The following RPE variants were observed in gnomAD, a reference collection of about 807,000 sequenced individuals.
The protein encoded by RPE is ribulose-5-phosphate-3-epimerase.
Under a neutral mutation model 24.6 loss-of-function variants are expected in RPE, and 16 were observed. The observed-to-expected ratio is 0.65, with a 90% CI of 0.44 to 0.99. RPE has a LOEUF of 0.99. Among genes scored for constraint, RPE ranks in the 50% least tolerant of loss-of-function variants. The pLI is 0.00. For synonymous variants in RPE, 93 were observed against 98.4 expected, an observed-to-expected ratio of 0.94 and a Z score of 0.33; for missense variants, 240 against 294.5, an observed-to-expected ratio of 0.81 and a Z score of 1.35.
rs1054194279 is a variant in RPE at position 210,022,160 on chromosome 2, A to G, written c.*2369A>G. 6.6e-6 allele frequency: 1 copy of G among 151,944 alleles called. No homozygotes were observed. The highest frequency in any genetic ancestry group is 6.6e-5 in the Admixed American group (1 of 15,238). The allele number at this position is 151,944 out of a possible 1,614,324, so 9.4% of individuals were successfully genotyped here. A position where few individuals can be genotyped will look rare whatever the true frequency, so the allele number is the denominator to read the frequency against. ...TTAAAGTGCACCAATATTTGACTCA[A>G]ATTTGCTTGCTTTATTTTGTTAGGA... On this transcript the variant is annotated 3_prime_UTR_variant, in exon 6 of 6. Transcript: ENST00000359429.
chr2:210,005,143 G>A (rs574727117), intron 1 of RPE, among the ~76,000 whole-genome samples: 9 of 152,296 alleles, frequency 5.9e-5, no homozygotes, highest in South Asian at 2.1e-4. Flanking sequence ...CCTACGTGAT[G>A]TGCTGTGGTG....
intron 4 of RPE, 63 bp downstream of exon 4, chr2:210,016,704 T>A: frequency 6.2e-7 from 1 of 1,606,168 alleles, no homozygotes; most frequent in Non-Finnish European, 8.5e-7. Flanking sequence ...TAAGCATTTA[T>A]TGAAAGGCTT....
chr2:210,003,488 C>T (rs1454623702), intron 1 of RPE: 1 of 1,277,972 alleles, frequency 7.8e-7, no homozygotes, highest in Non-Finnish European at 1.0e-6. Context: ...TTTTAAGCAC[C>T]GTAGTTACAG....
At position 210,019,936 on chromosome 2, in the gene RPE, G is replaced by C; in HGVS notation, c.*145G>C. On this transcript the variant is annotated 3_prime_UTR_variant, in exon 6 of 6. Coordinates refer to ENST00000359429, the MANE Select transcript of RPE (RefSeq NM_199229.3). ...TCCAGTGATTAAAACTGATTGTGCAGAATATTCTAAGAGGTCAGAAATTGG... is the reference window on the plus strand; with the variant it reads ...TCCAGTGATTAAAACTGATTGTGCACAATATTCTAAGAGGTCAGAAATTGG... 1 of 1,122,694 alleles carries C rather than the reference G, an allele frequency of 8.9e-7. No individual in the cohort carries two copies. Among genetic ancestry groups the C allele is most frequent in the Non-Finnish European group, 1.2e-6 (1 of 821,264 alleles). The allele number at this position is 1,122,694 out of a possible 1,614,324, so 69.5% of individuals were successfully genotyped here.
chr2:210,003,164 C>T (rs2093585440), intron 1 of RPE, among the ~76,000 whole-genome samples: 2 of 152,192 alleles, frequency 1.3e-5, no homozygotes, highest in South Asian at 2.1e-4. Context: ...GCTGGGGAAA[C>T]AGACTTCTCT....
At chr2:210,018,503 C>T (rs1223561240) in intron 5 of RPE, 9 of 984,878 alleles carry the variant, frequency 9.1e-6, no homozygotes, top group Non-Finnish European at 1.1e-5. Flanking sequence ...TGCTTTTCTT[C>T]CACAGTGTGA....
chr2:210,009,883 C>A (rs2093678433), intron 2 of RPE, 147 bp downstream of exon 2: 4 of 1,031,254 alleles, frequency 3.9e-6, no homozygotes, highest in South Asian at 1.4e-5. Context: ...CAGTAACAAG[C>A]CAAACTTCTT....
At chr2:210,017,994 C>T (rs891847713) in intron 5 of RPE, 1 of 715,028 alleles carries the variant, frequency 1.4e-6, no homozygotes, top group Non-Finnish European at 2.2e-6. Flanking sequence ...ACCTGCCTGC[C>T]TCGGCCTCCC....
intron 2 of RPE, among the ~76,000 whole-genome samples, chr2:210,013,970 C>G (rs1376577593): frequency 6.6e-6 from 1 of 152,176 alleles, no homozygotes; most frequent in African/African-American, 2.4e-5. Flanking sequence ...ACCATTGACT[C>G]CCTGAACACC....
At chr2:210,017,626 A>C in intron 5 of RPE, 67 bp downstream of exon 5, 55 of 1,437,060 alleles carry the variant, frequency 3.8e-5, no homozygotes, top group Non-Finnish European at 5.0e-5. Context: ...ACATTGTCTC[A>C]TGGGCCAGCG....
chr2:210,007,318 A>G (rs1162867823), intron 1 of RPE, among the ~76,000 whole-genome samples: 1 of 152,196 alleles, frequency 6.6e-6, no homozygotes, highest in African/African-American at 2.4e-5. Context: ...CCACACACCT[A>G]ATCATTTAAC....
At position 210,009,747 on chromosome 2, in the gene RPE, G is replaced by A. The variant is rs2125065350; in HGVS notation, c.202+11G>A. 6.2e-7 allele frequency: 1 copy of A among 1,614,096 alleles called. No homozygotes were observed. Among genetic ancestry groups the A allele is most frequent in the African/African-American group, 1.3e-5 (1 of 75,030 alleles). ...AGGACCCTTTCTTTGGTAAGTGGGT[G>A]TTACGCCATCTGAAGCTGGATGTGT... On this transcript the variant is annotated intron_variant, in intron 2 of 5. Transcript: ENST00000359429.
At chr2:210,009,610 A>G in intron 1 of RPE, 47 bp from the exon 2 acceptor site, 1 of 1,611,790 alleles carries the variant, frequency 6.2e-7, no homozygotes. Context: ...AGAGATACAG[A>G]AACTGAATTG....
intron 2 of RPE, among the ~76,000 whole-genome samples, chr2:210,011,207 T>C (rs979186075): frequency 2.0e-5 from 3 of 152,236 alleles, no homozygotes; most frequent in Admixed American, 2.0e-4. Flanking sequence ...TAATGGGATA[T>C]AGTCCTCTGA....
chr2:210,014,311 G>C (rs948508611), intron 2 of RPE, among the ~76,000 whole-genome samples: 1 of 151,530 alleles, frequency 6.6e-6, no homozygotes, highest in Non-Finnish European at 1.5e-5. Flanking sequence ...GGATGGTCTC[G>C]ATCTCCTGAC....
chr2:210,007,364 G>GCA (rs1312994983), intron 1 of RPE, among the ~76,000 whole-genome samples: 1 of 152,064 alleles, frequency 6.6e-6, no homozygotes, highest in East Asian at 1.9e-4. Context: ...GTCATTCTTA[G>GCA]TGTTCCTTGC....
rs574048443 is a variant in RPE at position 210,003,475 on chromosome 2, A to G, written c.122+692A>G. 1.4e-4 allele frequency: 176 copies of G among 1,286,056 alleles called. No individual in the cohort carries two copies. The South Asian group carries it at 2.0e-3, about 14-fold the overall frequency. 79.7% of individuals were successfully genotyped at this position (1,286,056 alleles called of 1,614,324 possible). A position where few individuals can be genotyped will look rare whatever the true frequency, so the allele number is the denominator to read the frequency against. On this transcript the variant is annotated intron_variant, in intron 1 of 5. Coordinates refer to ENST00000359429, the MANE Select transcript of RPE (RefSeq NM_199229.3). ...TCAGGGAGGTCAGTTTTTTGTAAGT[A>G]ATTTTTAAGCACCGTAGTTACAGCA...
chr2:210,003,773 G>C (rs944322917), intron 1 of RPE, among the ~76,000 whole-genome samples: 1 of 152,120 alleles, frequency 6.6e-6, no homozygotes, highest in Admixed American at 6.5e-5. Flanking sequence ...TTTGCAAATT[G>C]GTGTTATTTT....
intron 2 of RPE, among the ~76,000 whole-genome samples, chr2:210,013,312 C>CT (rs376550426): frequency 0.085 from 11,658 of 137,050 alleles, 560 homozygotes; most frequent in Middle Eastern, 0.15. Context: ...TAGAGTTATC[C>CT]TTTTTTTTTT....
Sources: gnomAD v4.1 joint callset for allele counts (sites outside exome capture counted in the v4.1 genomes callset) on GRCh38, gnomAD v4.1.1 for gene constraint, MANE v1.5 for transcripts, NCBI Gene and HGNC (gene_info 2026-07-23, HGNC 2026-07-21) for gene names.